The following SH3RF2 variants were observed in gnomAD, a reference collection of about 807,000 sequenced individuals.
SH3RF2 encodes E3 ubiquitin-protein ligase SH3RF2.
Under a neutral mutation model 59.0 loss-of-function variants are expected in SH3RF2, and 43 were observed. The ratio of observed to expected loss-of-function variants is 0.73; its 90% CI spans 0.57 to 0.94. SH3RF2 has a LOEUF of 0.94. SH3RF2 is among the 40% of genes least tolerant of loss of function. The pLI is 0.00. For missense variants in SH3RF2, 930 were observed against 940.1 expected (o/e 0.99, Z 0.14); for synonymous variants, 391 against 391.5 (o/e 1.00, Z 0.01).
chr5:146,042,973 A>C (rs375856687), intron 5 of SH3RF2: 1 of 152,244 alleles, frequency 6.6e-6, no homozygotes, highest in African/African-American at 2.4e-5. Context: ...TCCTTGTGGC[A>C]CAGGCACCTG....
At chr5:145,937,556 C>A (rs1383284609) in intron 1 of SH3RF2, among the ~76,000 whole-genome samples, 1 of 152,158 alleles carries the variant, frequency 6.6e-6, no homozygotes, top group African/African-American at 2.4e-5. Context: ...TGGGGGGCCA[C>A]TTCAGCAGGC....
downstream of SH3RF2, among the ~76,000 whole-genome samples, chr5:146,064,789 AAGG>A (rs1219083922): frequency 1.4e-3 from 12 of 8,834 alleles, no homozygotes; most frequent in South Asian, 0.012. Flanking sequence ...GGAAGGAAGG[AAGG>A]AAGGAAGGAA....
At chr5:146,017,514 C>T (rs532999587) in intron 5 of SH3RF2, among the ~76,000 whole-genome samples, 6 of 152,142 alleles carry the variant, frequency 3.9e-5, no homozygotes, top group African/African-American at 1.4e-4. Context: ...CTCAATATGC[C>T]TTCTTTCTCC....
intron 5 of SH3RF2, among the ~76,000 whole-genome samples, chr5:146,017,495 T>A (rs11949400): frequency 1.3e-5 from 2 of 151,540 alleles, no homozygotes; most frequent in African/African-American, 4.9e-5. Context: ...TTCCTAAGAG[T>A]TTCTGCTCCT....
chr5:145,968,511 T>C (rs964919063), intron 2 of SH3RF2, among the ~76,000 whole-genome samples: 2 of 152,038 alleles, frequency 1.3e-5, no homozygotes, highest in Non-Finnish European at 2.9e-5. Context: ...GGTTTATATA[T>C]GCATAGAAAA....
chr5:145,986,798 T>A (rs938570254), intron 2 of SH3RF2, among the ~76,000 whole-genome samples: 1 of 152,074 alleles, frequency 6.6e-6, no homozygotes, highest in Non-Finnish European at 1.5e-5. Flanking sequence ...GGGAAATGTT[T>A]GGAGGAAAAA....
At chr5:146,001,937 T>C (rs1760433348) in intron 3 of SH3RF2, among the ~76,000 whole-genome samples, 1 of 152,210 alleles carries the variant, frequency 6.6e-6, no homozygotes, top group Non-Finnish European at 1.5e-5. Context: ...AGATCTTCCT[T>C]CCCAAAGCTG....
chr5:146,027,296 T>C (rs998055262), intron 5 of SH3RF2, among the ~76,000 whole-genome samples: 1 of 152,220 alleles, frequency 6.6e-6, no homozygotes, highest in Non-Finnish European at 1.5e-5. Flanking sequence ...AGATAGAGAC[T>C]GAGGCAGAGC....
intron 3 of SH3RF2, 116 bp downstream of exon 3, chr5:146,000,443 T>C: frequency 1.2e-6 from 1 of 802,162 alleles, no homozygotes; most frequent in South Asian, 4.5e-5. Context: ...ATATATTATA[T>C]TATTGTTAAT....
intron 5 of SH3RF2, among the ~76,000 whole-genome samples, chr5:146,040,714 A>G (rs1158636086): frequency 2.0e-5 from 3 of 152,218 alleles, no homozygotes; most frequent in Non-Finnish European, 2.9e-5. Context: ...TATCTCAGAC[A>G]GTGTTTTTAC....
intron 6 of SH3RF2, among the ~76,000 whole-genome samples, chr5:146,048,142 A>T (rs1392000583): frequency 6.6e-6 from 1 of 152,042 alleles, no homozygotes; most frequent in Admixed American, 6.6e-5. Context: ...GTGAGACCTC[A>T]TCTCTACAAA....
chr5:145,969,605 C>T (rs1316194795), intron 2 of SH3RF2, among the ~76,000 whole-genome samples: 3 of 151,938 alleles, frequency 2.0e-5, no homozygotes, highest in East Asian at 1.9e-4. Flanking sequence ...CGTGGTGGTA[C>T]GTGCCTGTTA....
chr5:145,997,577 C>T (rs1760218965), intron 2 of SH3RF2: 11 of 1,607,522 alleles, frequency 6.8e-6, no homozygotes, highest in African/African-American at 1.3e-5. Context: ...GATTGGTGGG[C>T]TTGGTTTCAG....
chr5:145,988,922 C>A (rs1759822564), intron 2 of SH3RF2, among the ~76,000 whole-genome samples: 1 of 152,194 alleles, frequency 6.6e-6, no homozygotes, highest in African/African-American at 2.4e-5. Flanking sequence ...TTTCCCCCAA[C>A]AAATCTGCTC....
chr5:145,944,483 C>A (rs1191468594), intron 2 of SH3RF2, among the ~76,000 whole-genome samples: 1 of 152,018 alleles, frequency 6.6e-6, no homozygotes, highest in Non-Finnish European at 1.5e-5. Context: ...TGAGCAGCTA[C>A]AACTACAGGC....
intron 5 of SH3RF2, among the ~76,000 whole-genome samples, chr5:146,045,167 G>A (rs537318273): frequency 4.6e-5 from 7 of 152,168 alleles, no homozygotes; most frequent in Admixed American, 1.3e-4. Flanking sequence ...CCCAATCATA[G>A]GCAAGGAGCA....
intron 5 of SH3RF2, among the ~76,000 whole-genome samples, chr5:146,032,214 A>G (rs1183493475): frequency 1.3e-5 from 2 of 152,158 alleles, no homozygotes; most frequent in Non-Finnish European, 2.9e-5. Flanking sequence ...CCTAATAAAT[A>G]TTTGTTGAAA....
At chr5:145,996,307 C>G (rs888049535) in intron 2 of SH3RF2, among the ~76,000 whole-genome samples, 6 of 152,324 alleles carry the variant, frequency 3.9e-5, no homozygotes, top group South Asian at 2.1e-4. Flanking sequence ...CATAATCCCA[C>G]TGCTTGGAAA....
At chr5:145,978,683 AG>A (rs1462552110) in intron 2 of SH3RF2, among the ~76,000 whole-genome samples, 2 of 143,132 alleles carry the variant, frequency 1.4e-5, no homozygotes, top group African/African-American at 5.5e-5. Context: ...GGTGGTTTTA[AG>A]GAAAAAAAAA....
Sources: gnomAD v4.1 joint callset for allele counts (sites outside exome capture counted in the v4.1 genomes callset) on GRCh38, gnomAD v4.1.1 for gene constraint, MANE v1.5 for transcripts, NCBI Gene and HGNC (gene_info 2026-07-23, HGNC 2026-07-21) for gene names.